PIP5K1C: variants seen among roughly 807,000 people sequenced by gnomAD.
PIP5K1C encodes phosphatidylinositol-4-phosphate 5-kinase type 1 gamma, also known as phosphatidylinositol 4-phosphate 5-kinase type-1 gamma.
A neutral mutation model predicts 80.1 loss-of-function variants in PIP5K1C; 45 were observed. That is an observed-to-expected ratio of 0.56 (90% CI 0.44 to 0.72). PIP5K1C has a LOEUF of 0.72. PIP5K1C is among the 30% of genes least tolerant of loss of function. The probability of loss-of-function intolerance (pLI) is 0.00; values close to 1 mark genes in which losing one functional copy is unlikely to be tolerated. For missense variants in PIP5K1C, 753 were observed against 954.6 expected (o/e 0.79, Z 2.78); for synonymous variants, 498 against 420.1 (o/e 1.19, Z -2.27).
chr19:3,687,555 ACACG>A (rs1027768011), intron 1 of PIP5K1C, among the ~76,000 whole-genome samples: 25 of 146,674 alleles, frequency 1.7e-4, no homozygotes, highest in African/African-American at 6.0e-4. Flanking sequence ...GCACACATGC[ACACG>A]CACACACATG....
intron 6 of PIP5K1C, among the ~76,000 whole-genome samples, chr19:3,655,162 T>C (rs1391491379): frequency 1.5e-5 from 2 of 134,238 alleles, no homozygotes; most frequent in African/African-American, 5.6e-5. Flanking sequence ...CTCACGCCTA[T>C]AATTCCAACA....
chr19:3,636,733 G>T, intron 16 of PIP5K1C: 1 of 986,918 alleles, frequency 1.0e-6, no homozygotes, highest in Non-Finnish European at 1.2e-6. Flanking sequence ...TGCTCGGAGA[G>T]GTTTGCTGAT....
Position 3,653,443 on chromosome 19 carries a change from G to A in PIP5K1C, c.768C>T (p.Gly256=), listed in dbSNP as rs1319169596. 6.2e-7 allele frequency: 1 copy of A among 1,613,722 alleles called. No individual in the cohort carries two copies. The highest frequency in any genetic ancestry group is 1.1e-5 in the South Asian group (1 of 91,092). Residue 256 remains glycine (G), a synonymous_variant, in exon 7 of 18, where the codon GGC becomes GGT. Coordinates refer to ENST00000335312, the MANE Select transcript of PIP5K1C (RefSeq NM_012398.3). ...TGCTGGCGCGCCGCTTGTAGGTGGA[G>A]CCCTTGAGGTCGAACTTGAGGTGCA... ...VKMHLKFDLK[G]STYKRRASKK...
chr19:3,649,054 C>T lies in PIP5K1C; in HGVS notation c.1128-346G>A, dbSNP rs916019805. ...GTACAGACTGGGGAGTTAATTGTCACCCGGCACCATGCCCACACGTCCCCT... is the reference window on the plus strand; with the variant it reads ...GTACAGACTGGGGAGTTAATTGTCATCCGGCACCATGCCCACACGTCCCCT... On this transcript the variant is annotated intron_variant, in intron 8 of 17. Coordinates refer to ENST00000335312, the MANE Select transcript of PIP5K1C (RefSeq NM_012398.3). Among the ~76,000 whole-genome samples the T allele has an allele frequency of 1.4e-4, 21 of 149,792 alleles. 1 individual carries two copies. Among genetic ancestry groups the T allele is most frequent in the Admixed American group, 6.8e-4 (10 of 14,802 alleles).
chr19:3,635,905 G>A (rs373189811), intron 16 of PIP5K1C, among the ~76,000 whole-genome samples: 11 of 152,116 alleles, frequency 7.2e-5, no homozygotes, highest in South Asian at 2.1e-4. Flanking sequence ...GCGTGAACCC[G>A]GGAGGCGGAA....
chr19:3,699,646 A>C (rs2036234929), intron 1 of PIP5K1C, among the ~76,000 whole-genome samples: 1 of 152,184 alleles, frequency 6.6e-6, no homozygotes, highest in Non-Finnish European at 1.5e-5. Flanking sequence ...GGGAAGGCCC[A>C]GCTGCCGCCA....
chr19:3,698,937 A>AC (rs1488857892), intron 1 of PIP5K1C, among the ~76,000 whole-genome samples: 703 of 16,514 alleles, frequency 0.043, 5 homozygotes, highest in African/African-American at 0.13. Flanking sequence ...CCGGCCCCCC[A>AC]CCCCCACCCC....
In PIP5K1C at chr19:3,653,282, G is replaced by T; in HGVS notation, c.921+8C>A. On this transcript the variant is annotated splice_region_variant and intron_variant, in intron 7 of 17. Coordinates refer to ENST00000335312, the MANE Select transcript of PIP5K1C (RefSeq NM_012398.3). ...ACCCTCCCTCCCCGGCCGGGGCCGA[G>T]CCCTCACCAGGCAGTCCCGCTGCAG... 1 of 1,603,938 alleles carries T rather than the reference G, an allele frequency of 6.2e-7. No individual in the cohort carries two copies. The highest frequency in any genetic ancestry group is 1.1e-5 in the South Asian group (1 of 91,060).
At chr19:3,644,746 G>C (rs1348798668) in intron 11 of PIP5K1C, among the ~76,000 whole-genome samples, 1 of 152,190 alleles carries the variant, frequency 6.6e-6, no homozygotes, top group Non-Finnish European at 1.5e-5. Context: ...CTGGGCCCTG[G>C]GGGCCGACCT....
At chr19:3,649,960 G>A (rs927489455) in intron 8 of PIP5K1C, 24 of 238,220 alleles carry the variant, frequency 1.0e-4, no homozygotes, top group East Asian at 3.3e-4. Context: ...CTGGCGCCCT[G>A]CACGCTCTGC....
intron 16 of PIP5K1C, chr19:3,636,237 A>G (rs955408805): frequency 1.1e-5 from 3 of 272,044 alleles, no homozygotes; most frequent in Non-Finnish European, 5.6e-6. Context: ...GGACACCCTC[A>G]GCCAGCAGCT....
rs1189026626 is a variant in PIP5K1C, at chr19:3,696,722, G to A, written c.94+3575C>T. Among the ~76,000 whole-genome samples, 1 of 100,910 alleles carries A rather than the reference G, an allele frequency of 9.9e-6. No individual in the cohort carries two copies. The highest frequency in any genetic ancestry group is 1.9e-5 in the Non-Finnish European group (1 of 53,018). 66.2% of individuals were successfully genotyped at this position (100,910 alleles called of 152,430 possible). A position where few individuals can be genotyped will look rare whatever the true frequency, so the allele number is the denominator to read the frequency against. On this transcript the variant is annotated intron_variant, in intron 1 of 17. Coordinates refer to ENST00000335312, the MANE Select transcript of PIP5K1C (RefSeq NM_012398.3). This position sits in a 1 kb window ranked among gnomAD's most constrained non-coding sequence, Gnocchi z 4.1. ...AGAGTGCAGACGGGAGGGCAGGGAG[G>A]GCAGAGTGCGGAGGGGAGGGCAGGG...
intron 1 of PIP5K1C, among the ~76,000 whole-genome samples, chr19:3,697,362 A>AGAGGAGGACTGAGCCAGACG (rs1424554325): frequency 1.5e-5 from 2 of 131,164 alleles, no homozygotes; most frequent in African/African-American, 5.8e-5. Context: ...CGAGCCAGAC[A>AGAGGAGGACTGAGCCAGACG]GAGGAGGACT....
intron 1 of PIP5K1C, among the ~76,000 whole-genome samples, chr19:3,676,611 A>G (rs925934762): frequency 6.6e-6 from 1 of 152,224 alleles, no homozygotes; most frequent in African/African-American, 2.4e-5. Context: ...TCCAGCTGCC[A>G]CCTAATTCAT....
In PIP5K1C at chr19:3,641,806, C is replaced by A; in HGVS notation, c.1686G>T (p.Pro562=). ...CCTCTTCCGCGGGTGGCTCCTCCTG[C>A]GGCCTGCAGGCAATGGGAGGTTGTG... The part of the protein sequence containing the change: ...RTQSSGQDGR[P]QEEPPAEEDL... Residue 562 remains proline (P), a synonymous_variant, in exon 15 of 18, where the codon CCG becomes CCT. Coordinates refer to ENST00000335312, the MANE Select transcript of PIP5K1C (RefSeq NM_012398.3). 2.5e-6 allele frequency: 4 copies of A among 1,610,892 alleles called. No individual in the cohort carries two copies. The highest frequency in any genetic ancestry group is 1.7e-6 in the Non-Finnish European group (2 of 1,179,530).
At chr19:3,699,066 G>C (rs1376851353) in intron 1 of PIP5K1C, among the ~76,000 whole-genome samples, 1 of 150,998 alleles carries the variant, frequency 6.6e-6, no homozygotes, top group Non-Finnish European at 1.5e-5. Context: ...GTTTTCTTTT[G>C]GTCAGCGAGT....
rs2145375775 is a variant in PIP5K1C, at chr19:3,637,808, C to G, written c.1920+1076G>C. The stretch of plus-strand genomic sequence containing the variant: ...GAGGACCCTTCTCCCTTCTCTGCTG[C>G]CCACCTGGCAGGGCATCAGGACACA... On this transcript the variant is annotated intron_variant, in intron 16 of 17. Transcript: ENST00000335312. The surrounding 1 kb of genome is among the most constrained non-coding windows in gnomAD (Gnocchi z 7.0). The G allele has an allele frequency of 6.5e-7, 1 of 1,534,930 alleles. No homozygotes were observed. Among genetic ancestry groups the G allele is most frequent in the Non-Finnish European group, 8.7e-7 (1 of 1,146,654 alleles).
intron 3 of PIP5K1C, among the ~76,000 whole-genome samples, chr19:3,663,264 C>T (rs560052850): frequency 2.6e-5 from 4 of 152,352 alleles, no homozygotes; most frequent in African/African-American, 9.6e-5. Flanking sequence ...CTCATACCTC[C>T]GCTCTCTAAT....
chr19:3,651,908 C>T lies in PIP5K1C; in HGVS notation c.1045G>A (p.Gly349Ser). The change falls in exon 8 of 18, where the codon GGC (glycine) becomes AGC (serine). Residue 349 changes from glycine to serine, a missense_variant. Physicochemically the swap from Gly to Ser is moderately conservative, Grantham distance 56. This residue lies in a region of PIP5K1C where 105 missense variants were observed against 133.4 expected (regional missense o/e 0.79). Coordinates refer to ENST00000335312, the MANE Select transcript of PIP5K1C (RefSeq NM_012398.3). Reference sequence around the variant, plus strand: ...GCCGTGGAGTAGAGCGCCTTCTGGCCCACAGGCCGCTTCTCATCTGAGGTG... The same window carrying T: ...GCCGTGGAGTAGAGCGCCTTCTGGCTCACAGGCCGCTTCTCATCTGAGGTG... ...QSTSDEKRPV[G>S]QKALYSTAME... is the part of the protein sequence containing the mutation. The T allele has an allele frequency of 6.2e-7, 1 of 1,612,860 alleles. No homozygotes were observed. The highest frequency in any genetic ancestry group is 8.5e-7 in the Non-Finnish European group (1 of 1,179,936).
Sources: allele counts gnomAD v4.1 joint callset (sites outside exome capture counted in the v4.1 genomes callset), GRCh38; gene constraint gnomAD v4.1.1; regional missense constraint gnomAD v4.1.1; non-coding constraint Gnocchi (gnomAD v3.1); transcripts MANE v1.5; gene names NCBI Gene and HGNC (gene_info 2026-07-23, HGNC 2026-07-21).